The following BIRC6 variants were observed in gnomAD, a reference collection of about 807,000 sequenced individuals.
The protein encoded by BIRC6 is dual E2 ubiquitin-conjugating enzyme/E3 ubiquitin-protein ligase BIRC6.
BIRC6 carries 98 observed loss-of-function variants against 503.3 expected under a neutral mutation model. The ratio of observed to expected loss-of-function variants is 0.19; its 90% CI spans 0.17 to 0.23. The LOEUF is 0.23. Among genes scored for constraint, BIRC6 ranks in the 10% least tolerant of loss-of-function variants. BIRC6 has a pLI of 1.00. For synonymous variants in BIRC6, 2,240 were observed against 2,078.7 expected (o/e 1.08, Z -2.11); for missense variants, 5,360 against 5,806.0 (o/e 0.92, Z 2.50).
At chr2:32,519,371 T>C (rs1375406487) in intron 57 of BIRC6, among the ~76,000 whole-genome samples, 1 of 152,238 alleles carries the variant, frequency 6.6e-6, no homozygotes, top group Non-Finnish European at 1.5e-5. Flanking sequence ...CCTCATTGTT[T>C]ATCGTAGTCA....
At chr2:32,460,244 T>TTA (rs1558785783) in intron 23 of BIRC6, among the ~76,000 whole-genome samples, 7 of 83,592 alleles carry the variant, frequency 8.4e-5, no homozygotes, top group Admixed American at 1.6e-4. Context: ...ATCTCGTATA[T>TTA]GATATATATA....
chr2:32,503,568 C>T (rs538620093), intron 49 of BIRC6, among the ~76,000 whole-genome samples: 2 of 151,884 alleles, frequency 1.3e-5, no homozygotes, highest in South Asian at 2.1e-4. Flanking sequence ...ATTACAGGCA[C>T]CTGCCACCAC....
At chr2:32,472,999 C>G (rs2049278046) in intron 32 of BIRC6, 113 bp from the exon 33 acceptor site, 12 of 864,748 alleles carry the variant, frequency 1.4e-5, no homozygotes, top group Admixed American at 3.5e-5. Context: ...CTTATTAAAA[C>G]TGCTTTTCAT....
chr2:32,433,607 T>C, intron 12 of BIRC6, 37 bp from the exon 13 acceptor site: 1 of 1,491,508 alleles, frequency 6.7e-7, no homozygotes, highest in Non-Finnish European at 9.1e-7. Flanking sequence ...GAAGAAAGAT[T>C]TTTGCTTTAT....
chr2:32,500,606 GTTT>G (rs758919928), intron 46 of BIRC6, among the ~76,000 whole-genome samples: 1 of 118,296 alleles, frequency 8.5e-6, no homozygotes. Context: ...TTTTGTTTTT[GTTT>G]TTTTTTTTTT....
Position 32,443,641 on chromosome 2 carries a change from T to C in BIRC6, c.4336+53T>C. 1.6e-6 allele frequency: 2 copies of C among 1,263,354 alleles called. 1 individual carries two copies. The highest frequency in any genetic ancestry group is 2.7e-5 in the South Asian group (2 of 73,642). 78.3% of individuals were successfully genotyped at this position (1,263,354 alleles called of 1,614,324 possible). A position where few individuals can be genotyped will look rare whatever the true frequency, so the allele number is the denominator to read the frequency against. ...AGTTATAGTCATATGGAACATCTCA[T>C]ATGTATACTTAGGATTATTTCATAA... On this transcript the variant is annotated intron_variant, in intron 20 of 73. Coordinates refer to ENST00000421745, the MANE Select transcript of BIRC6 (RefSeq NM_016252.4).
chr2:32,477,493 G>A lies in BIRC6; in HGVS notation c.6978G>A (p.Glu2326=), dbSNP rs61754196. ...CACTTCCATTTACTCTGGCCCATGA[G>A]CGTTGTATCTCAGTAGTCCAGAAAC... ...IEPLPFTLAH[E]RCISVVQKLV... Residue 2326 remains glutamate, a synonymous_variant, in exon 35 of 74, where the codon GAG becomes GAA. Coordinates refer to ENST00000421745, the MANE Select transcript of BIRC6 (RefSeq NM_016252.4). 0.01 allele frequency: 16,892 copies of A among 1,613,902 alleles called. 116 individuals are homozygous for A. Among genetic ancestry groups the A allele is most frequent in the Non-Finnish European group, 0.012 (14,746 of 1,179,830 alleles).
intron 19 of BIRC6, 61 bp downstream of exon 19, chr2:32,442,516 T>A: frequency 6.8e-7 from 1 of 1,471,390 alleles, no homozygotes; most frequent in Non-Finnish European, 9.1e-7. Context: ...TAGTGGGTGA[T>A]ACCTTGTTTA....
chr2:32,388,293 A>G (rs1470171966), intron 3 of BIRC6, among the ~76,000 whole-genome samples: 3 of 151,920 alleles, frequency 2.0e-5, no homozygotes, highest in Non-Finnish European at 4.4e-5. Context: ...GAGGCAGGAG[A>G]ATCACTTGAA....
Position 32,518,414 on chromosome 2 carries a change from T to TA in BIRC6, c.11493+19dup. ...CCATGTCCAGTGAGTATTTAACACT[T>TA]AATCATTGGCTGTGTATACATGTAT... On this transcript the variant is annotated intron_variant, in intron 56 of 73. Coordinates refer to ENST00000421745, the MANE Select transcript of BIRC6 (RefSeq NM_016252.4). 6.3e-7 allele frequency: 1 copy of TA among 1,598,148 alleles called. No homozygotes were observed. Among genetic ancestry groups the TA allele is most frequent in the South Asian group, 1.1e-5 (1 of 87,692 alleles).
chr2:32,560,971 G>A (rs879666934), intron 65 of BIRC6, among the ~76,000 whole-genome samples: 23 of 151,912 alleles, frequency 1.5e-4, no homozygotes, highest in Admixed American at 9.2e-4. Flanking sequence ...AGGCCGAGGC[G>A]GGTGGATCAC....
At chr2:32,534,449 G>T (rs1236663081) in intron 61 of BIRC6, among the ~76,000 whole-genome samples, 2 of 150,130 alleles carry the variant, frequency 1.3e-5, no homozygotes, top group South Asian at 2.1e-4. Flanking sequence ...GAAATCATTC[G>T]GCTTGGCGCG....
intron 62 of BIRC6, 85 bp from the exon 63 acceptor site, chr2:32,545,558 C>T: frequency 9.0e-7 from 1 of 1,116,096 alleles, no homozygotes; most frequent in Non-Finnish European, 1.4e-6. Flanking sequence ...ATTACAGTGT[C>T]ATTATTAATT....
intron 67 of BIRC6, 109 bp downstream of exon 67, chr2:32,594,169 A>T: frequency 2.4e-6 from 3 of 1,254,686 alleles, no homozygotes; most frequent in Non-Finnish European, 3.2e-6. Flanking sequence ...TTTTAAAGCA[A>T]GTTCATTTAC....
intron 5 of BIRC6, 74 bp from the exon 6 acceptor site, chr2:32,395,437 A>T: frequency 8.3e-7 from 1 of 1,198,104 alleles, no homozygotes; most frequent in Non-Finnish European, 1.2e-6. Flanking sequence ...ATGAACTTTT[A>T]AAAATAACTT....
chr2:32,589,893 T>A (rs1474446301), intron 66 of BIRC6, among the ~76,000 whole-genome samples: 1 of 152,238 alleles, frequency 6.6e-6, no homozygotes, highest in East Asian at 1.9e-4. Flanking sequence ...AGGCTTCTTA[T>A]AACTATTTTA....
chr2:32,404,898 G>A (rs999201414), intron 8 of BIRC6, among the ~76,000 whole-genome samples: 1 of 152,012 alleles, frequency 6.6e-6, no homozygotes, highest in Non-Finnish European at 1.5e-5. Flanking sequence ...CTGGGCTCAA[G>A]CAGTCCTCCC....
At chr2:32,497,763 A>C (rs995622474) in intron 45 of BIRC6, among the ~76,000 whole-genome samples, 8 of 151,990 alleles carry the variant, frequency 5.3e-5, no homozygotes, top group Non-Finnish European at 1.2e-4. Flanking sequence ...CAGCTTATAG[A>C]TTATTTCTTC....
intron 40 of BIRC6, among the ~76,000 whole-genome samples, chr2:32,486,938 C>T (rs1458241464): frequency 1.3e-5 from 2 of 151,730 alleles, no homozygotes; most frequent in East Asian, 1.9e-4. Flanking sequence ...CAAAGTAACC[C>T]TTTTCTTTGT....
Sources: gnomAD v4.1 joint callset for allele counts (sites outside exome capture counted in the v4.1 genomes callset) on GRCh38, gnomAD v4.1.1 for gene constraint, MANE v1.5 for transcripts, NCBI Gene and HGNC (gene_info 2026-07-23, HGNC 2026-07-21) for gene names.